ADGRL2: variants seen among roughly 807,000 people sequenced by gnomAD.
ADGRL2 encodes calcium-independent alpha-latrotoxin receptor 2.
A neutral mutation model predicts 157.4 loss-of-function variants in ADGRL2; 44 were observed. The ratio of observed to expected loss-of-function variants is 0.28; its 90% CI spans 0.22 to 0.36. ADGRL2 has a LOEUF of 0.36. ADGRL2 is among the 10% of genes least tolerant of loss of function. The pLI is 1.00. For missense variants in ADGRL2, 1,510 were observed against 1,768.9 expected (o/e 0.85, Z 2.63); for synonymous variants, 585 against 624.7 (o/e 0.94, Z 0.95).
intron 1 of ADGRL2, among the ~76,000 whole-genome samples, chr1:81,322,884 G>T (rs1010114188): frequency 6.6e-6 from 1 of 152,074 alleles, no homozygotes; most frequent in Non-Finnish European, 1.5e-5. Context: ...TTGAGACACG[G>T]CCTCACTCTG....
chr1:81,870,165 T>C (rs146563768), intron 2 of ADGRL2, among the ~76,000 whole-genome samples: 254 of 151,818 alleles, frequency 1.7e-3, no homozygotes, highest in Non-Finnish European at 2.8e-3. Context: ...GTCATTATTT[T>C]ATTATAATTT....
chr1:81,951,220 C>A, intron 8 of ADGRL2, 99 bp downstream of exon 8: 1 of 765,588 alleles, frequency 1.3e-6, no homozygotes, highest in Non-Finnish European at 2.2e-6. Flanking sequence ...CTTTATTGCT[C>A]TTTGTTCAGT....
chr1:81,474,628 T>C (rs536290147), intron 2 of ADGRL2, among the ~76,000 whole-genome samples: 2 of 152,324 alleles, frequency 1.3e-5, no homozygotes, highest in East Asian at 1.9e-4. Context: ...TTAGAAATTA[T>C]AGAGTAGAGT....
intron 2 of ADGRL2, among the ~76,000 whole-genome samples, chr1:81,524,831 G>C (rs2079414661): frequency 6.6e-6 from 1 of 152,080 alleles, no homozygotes; most frequent in South Asian, 2.1e-4. Context: ...CTTGAGTCCA[G>C]GAGTTAGAGG....
chr1:81,772,212 T>C (rs1248091183), intron 2 of ADGRL2, among the ~76,000 whole-genome samples: 2 of 145,294 alleles, frequency 1.4e-5, no homozygotes, highest in East Asian at 4.1e-4. Flanking sequence ...ATCGTGCCAC[T>C]GCACTCCAGC....
chr1:81,419,151 ACTGT>A lies in ADGRL2; in HGVS notation c.-301-25884_-301-25881del, dbSNP rs2077083133. On this transcript the variant is annotated intron_variant, in intron 1 of 24. Coordinates refer to the ADGRL2 transcript ENST00000370721. ...AAGTGGAGCATATTTGTACTTCTGG[ACTGT>A]TTCTTTATTCAGCAACCTTATACAG... Among the ~76,000 whole-genome samples the A allele has an allele frequency of 2.0e-5, 3 of 150,874 alleles. No homozygotes were observed. In the South Asian group the frequency reaches 6.3e-4, roughly 32 times the overall value.
At chr1:81,478,619 A>G (rs1199786414) in intron 2 of ADGRL2, among the ~76,000 whole-genome samples, 2 of 152,296 alleles carry the variant, frequency 1.3e-5, no homozygotes. Context: ...AATACATTCA[A>G]GGCTCCTTCT....
At chr1:81,387,173 G>A (rs1427404179) in intron 1 of ADGRL2, among the ~76,000 whole-genome samples, 5 of 152,152 alleles carry the variant, frequency 3.3e-5, no homozygotes, top group African/African-American at 1.2e-4. Flanking sequence ...GTCAGGGAAT[G>A]TTATGTTACG....
At chr1:81,414,739 A>C (rs576922716) in intron 1 of ADGRL2, among the ~76,000 whole-genome samples, 15 of 152,240 alleles carry the variant, frequency 9.9e-5, no homozygotes, top group African/African-American at 3.1e-4. Context: ...GTCTCATAGC[A>C]GACTCTGGCT....
At chr1:81,753,250 A>AAGG (rs1346058548) in intron 1 of ADGRL2, among the ~76,000 whole-genome samples, 5 of 152,224 alleles carry the variant, frequency 3.3e-5, no homozygotes, top group Non-Finnish European at 7.3e-5. Context: ...AGAAGGCAAG[A>AAGG]AGGAGCAAGT....
chr1:81,827,975 AC>A (rs2150026754), intron 1 of ADGRL2, among the ~76,000 whole-genome samples: 1 of 152,318 alleles, frequency 6.6e-6, no homozygotes, highest in African/African-American at 2.4e-5. Flanking sequence ...AAAATAATAG[AC>A]TAAAGTTGAT....
chr1:81,599,554 T>C (rs2081298012), intron 3 of ADGRL2, among the ~76,000 whole-genome samples: 1 of 152,184 alleles, frequency 6.6e-6, no homozygotes, highest in African/African-American at 2.4e-5. Context: ...AAATTCCAAC[T>C]TTCTTCTTGG....
intron 3 of ADGRL2, among the ~76,000 whole-genome samples, chr1:81,649,574 C>T (rs542792657): frequency 2.5e-4 from 38 of 152,266 alleles, no homozygotes; most frequent in African/African-American, 9.1e-4. Context: ...TTCTTTTACT[C>T]CACCTCAACT....
chr1:81,595,482 T>A (rs1295586422), intron 3 of ADGRL2, among the ~76,000 whole-genome samples: 1 of 152,220 alleles, frequency 6.6e-6, no homozygotes, highest in Non-Finnish European at 1.5e-5. Flanking sequence ...ATGAATGTAC[T>A]CAACTTCATT....
chr1:81,899,943 A>G (rs756956263), intron 2 of ADGRL2, among the ~76,000 whole-genome samples: 3 of 152,020 alleles, frequency 2.0e-5, no homozygotes, highest in Non-Finnish European at 2.9e-5. Context: ...CTGTCCCCAA[A>G]CCTGCTGCTG....
At chr1:81,393,892 A>G (rs551988993) in intron 1 of ADGRL2, among the ~76,000 whole-genome samples, 4 of 151,504 alleles carry the variant, frequency 2.6e-5, no homozygotes, top group African/African-American at 9.7e-5. Context: ...CTGAATATGA[A>G]AGTATTAACA....
intron 2 of ADGRL2, among the ~76,000 whole-genome samples, chr1:81,564,742 G>A (rs1434363062): frequency 6.6e-6 from 1 of 152,174 alleles, no homozygotes; most frequent in Non-Finnish European, 1.5e-5. Context: ...ATACCAAGAG[G>A]AGGGGATTCA....
chr1:81,373,405 A>G lies in ADGRL2; in HGVS notation c.-302+66896A>G, dbSNP rs77126145. 0.011 allele frequency among the ~76,000 whole-genome samples: 1,663 copies of G among 152,262 alleles called. 100 individuals are homozygous for G. In the East Asian group the frequency reaches 0.19, roughly 17 times the overall value. ...TCAATTTTCCCAATGAGTTCCACAT[A>G]TATTCTTTGGAAGATTCAAAAAGGC... On this transcript the variant is annotated intron_variant, in intron 1 of 24. Transcript: ENST00000370721.
At chr1:81,958,596 A>G (rs1014321752) in intron 11 of ADGRL2, among the ~76,000 whole-genome samples, 5 of 152,208 alleles carry the variant, frequency 3.3e-5, no homozygotes, top group Non-Finnish European at 7.3e-5. Context: ...ATATAATTTT[A>G]TCTATTATAA....
Sources: gnomAD v4.1 joint callset for allele counts (sites outside exome capture counted in the v4.1 genomes callset) on GRCh38, gnomAD v4.1.1 for gene constraint, MANE v1.5 for transcripts, NCBI Gene and HGNC (gene_info 2026-07-23, HGNC 2026-07-21) for gene names.